The following RBFOX1 variants were observed in gnomAD, a reference collection of about 807,000 sequenced individuals.
The protein encoded by RBFOX1 is RNA binding fox-1 homolog 1, also known as RNA binding protein fox-1 homolog 1.
In RBFOX1, 8 loss-of-function variants were observed where a neutral mutation model predicts 57.7. The observed-to-expected ratio is 0.14, with a 90% CI of 0.08 to 0.25. The LOEUF (loss-of-function observed/expected upper bound fraction) is 0.25. RBFOX1 is among the 10% of genes least tolerant of loss of function. The probability of loss-of-function intolerance (pLI) is 1.00; values close to 1 mark genes in which losing one functional copy is unlikely to be tolerated. For missense variants in RBFOX1, 611 were observed against 548.5 expected (o/e 1.11, Z -1.14); for synonymous variants, 326 against 222.4 (o/e 1.47, Z -4.15).
chr16:7,229,680 G>A, intron 4 of RBFOX1, among the ~76,000 whole-genome samples: 1 of 87,238 alleles, frequency 1.1e-5, no homozygotes, highest in South Asian at 4.0e-4. Context: ...AAGTAAGGGA[G>A]AGAGACGAAG....
At chr16:6,830,570 G>T (rs1280657256) in intron 3 of RBFOX1, among the ~76,000 whole-genome samples, 1 of 152,142 alleles carries the variant, frequency 6.6e-6, no homozygotes, top group Non-Finnish European at 1.5e-5. Context: ...TTGTCAGAAT[G>T]GGGTGGGGAA....
At chr16:7,202,107 A>G (rs1458689578) in intron 4 of RBFOX1, among the ~76,000 whole-genome samples, 6 of 152,260 alleles carry the variant, frequency 3.9e-5, no homozygotes, top group Non-Finnish European at 7.3e-5. Flanking sequence ...CTCAACAACA[A>G]CAACAACCAC....
chr16:6,363,140 A>G (rs9936980), intron 2 of RBFOX1, among the ~76,000 whole-genome samples: 66,454 of 152,074 alleles, frequency 0.44, 14,755 homozygotes, highest in African/African-American at 0.48. Flanking sequence ...TCATTAAGTA[A>G]CTCAATTGGC....
chr16:5,242,975 G>T (rs900915357), intron 1 of RBFOX1, among the ~76,000 whole-genome samples: 1 of 148,674 alleles, frequency 6.7e-6, no homozygotes, highest in African/African-American at 2.5e-5. Context: ...TGATTATGGT[G>T]GGGACGTGGT....
chr16:6,519,164 G>T (rs1330129031), intron 2 of RBFOX1, among the ~76,000 whole-genome samples: 1 of 151,940 alleles, frequency 6.6e-6, no homozygotes, highest in Non-Finnish European at 1.5e-5. Flanking sequence ...AAGATATGGG[G>T]GGAACCGTCT....
At chr16:6,574,514 C>T (rs541432630) in intron 2 of RBFOX1, among the ~76,000 whole-genome samples, 90 of 148,460 alleles carry the variant, frequency 6.1e-4, no homozygotes, top group African/African-American at 1.9e-3. Context: ...CTGCAAGCTC[C>T]GCTTCCAGGG....
At chr16:6,445,783 A>G (rs2094472748) in intron 2 of RBFOX1, among the ~76,000 whole-genome samples, 1 of 151,922 alleles carries the variant, frequency 6.6e-6, no homozygotes, top group Non-Finnish European at 1.5e-5. Context: ...GGGTTTCACC[A>G]TTTTGGCCAG....
chr16:6,696,693 ATT>A (rs56037111), intron 3 of RBFOX1, among the ~76,000 whole-genome samples: 1 of 151,592 alleles, frequency 6.6e-6, no homozygotes, highest in African/African-American at 2.4e-5. Flanking sequence ...CTCAAAGGAG[ATT>A]TTTTTTTTCC....
At chr16:7,676,688 C>T (rs574289002) in intron 13 of RBFOX1, 86 bp from the exon 14 acceptor site, 45 of 1,143,734 alleles carry the variant, frequency 3.9e-5, no homozygotes, top group Admixed American at 1.4e-4. Context: ...ATTTGGGTAA[C>T]AGCTGCTCTG....
At chr16:5,766,889 G>A (rs550069023) in intron 3 of RBFOX1, among the ~76,000 whole-genome samples, 2 of 152,176 alleles carry the variant, frequency 1.3e-5, no homozygotes, top group South Asian at 4.1e-4. Flanking sequence ...TGTTTGCAAA[G>A]TCCTCTCATT....
chr16:6,467,296 C>G (rs902705222), intron 2 of RBFOX1, among the ~76,000 whole-genome samples: 8 of 151,606 alleles, frequency 5.3e-5, no homozygotes, highest in African/African-American at 1.9e-4. Context: ...AAATTGAATT[C>G]CATTAATATG....
At chr16:7,353,169 G>C (rs1259923770) in intron 4 of RBFOX1, among the ~76,000 whole-genome samples, 1 of 151,998 alleles carries the variant, frequency 6.6e-6, no homozygotes, top group Non-Finnish European at 1.5e-5. Flanking sequence ...AATTTTTGTA[G>C]CCTAAATTGA....
intron 4 of RBFOX1, among the ~76,000 whole-genome samples, chr16:7,336,350 T>A (rs1323667820): frequency 6.6e-6 from 1 of 152,256 alleles, no homozygotes; most frequent in Non-Finnish European, 1.5e-5. Flanking sequence ...CTCATAGATA[T>A]GCCCTTGGGC....
At chr16:6,918,523 C>G (rs565340702) in intron 3 of RBFOX1, among the ~76,000 whole-genome samples, 2 of 152,272 alleles carry the variant, frequency 1.3e-5, no homozygotes, top group South Asian at 2.1e-4. Context: ...TAATTCATAA[C>G]TTTCATGTTG....
At chr16:7,066,645 A>G (rs1244749222) in intron 4 of RBFOX1, among the ~76,000 whole-genome samples, 1 of 152,192 alleles carries the variant, frequency 6.6e-6, no homozygotes. Context: ...AATTTCCCAA[A>G]ACTATAGCAG....
At chr16:6,026,141 C>A (rs1458253009) in intron 1 of RBFOX1, among the ~76,000 whole-genome samples, 1 of 152,194 alleles carries the variant, frequency 6.6e-6, no homozygotes, top group Admixed American at 6.5e-5. Context: ...TTTTTACAGC[C>A]ATCCCAGGGG....
intron 5 of RBFOX1, among the ~76,000 whole-genome samples, chr16:7,559,226 G>T (rs2089667297): frequency 6.6e-6 from 1 of 152,128 alleles, no homozygotes; most frequent in Non-Finnish European, 1.5e-5. Context: ...AATAGTCAGT[G>T]GTGAGCCTCT....
At chr16:5,798,927 C>T (rs1479974056) in intron 3 of RBFOX1, among the ~76,000 whole-genome samples, 1 of 152,058 alleles carries the variant, frequency 6.6e-6, no homozygotes, top group Non-Finnish European at 1.5e-5. Flanking sequence ...AGCTCCAGTT[C>T]TGCCACTTGA....
chr16:7,265,593 C>G (rs12102393), intron 4 of RBFOX1, among the ~76,000 whole-genome samples: 1 of 152,062 alleles, frequency 6.6e-6, no homozygotes, highest in African/African-American at 2.4e-5. Flanking sequence ...GGATTACAGG[C>G]ACCCACCACC....
Sources: allele counts gnomAD v4.1 joint callset (sites outside exome capture counted in the v4.1 genomes callset), GRCh38; gene constraint gnomAD v4.1.1; transcripts MANE v1.5; gene names NCBI Gene and HGNC (gene_info 2026-07-23, HGNC 2026-07-21).